Variants in RMST observed in about 807,000 individuals in gnomAD.
The protein encoded by RMST is rhabdomyosarcoma 2 associated transcript, also known as long intergenic non-protein coding RNA 54.
chr12:97,468,272 A>G (rs898791211), intron 5 of RMST, among the ~76,000 whole-genome samples: 1 of 151,992 alleles, frequency 6.6e-6, no homozygotes, highest in Non-Finnish European at 1.5e-5. Context: ...ACAATCTAGG[A>G]CTCACTAATA....
chr12:97,524,075 C>CAGAGA (rs57255256), intron 10 of RMST, among the ~76,000 whole-genome samples: 2,443 of 56,134 alleles, frequency 0.044, 615 homozygotes, highest in African/African-American at 0.1. Flanking sequence ...GACTCTGTCT[C>CAGAGA]AAAAAAAAAA....
At chr12:97,509,870 A>G (rs1415743785) in intron 10 of RMST, among the ~76,000 whole-genome samples, 2 of 152,180 alleles carry the variant, frequency 1.3e-5, no homozygotes, top group Admixed American at 6.5e-5. Context: ...AGGGAACCCA[A>G]TACTCTGCAG....
At chr12:97,464,498 A>G (rs1565914220) in intron 4 of RMST, among the ~76,000 whole-genome samples, 1 of 152,214 alleles carries the variant, frequency 6.6e-6, no homozygotes, top group Non-Finnish European at 1.5e-5. Flanking sequence ...ATTTACTTTG[A>G]AAGTTGTTCA....
intron 10 of RMST, among the ~76,000 whole-genome samples, chr12:97,525,222 A>T (rs1880968679): frequency 6.6e-6 from 1 of 152,234 alleles, no homozygotes; most frequent in African/African-American, 2.4e-5. Context: ...CAACATTTTG[A>T]TGTTTATTGG....
intron 10 of RMST, among the ~76,000 whole-genome samples, chr12:97,506,313 G>A (rs1451583289): frequency 1.3e-5 from 2 of 151,926 alleles, no homozygotes; most frequent in Non-Finnish European, 2.9e-5. Context: ...TATTTAACAT[G>A]AGAGACATAT....
At chr12:97,535,281 C>A (rs565514292) in intron 11 of RMST, among the ~76,000 whole-genome samples, 3 of 151,570 alleles carry the variant, frequency 2.0e-5, no homozygotes, top group Non-Finnish European at 4.4e-5. Flanking sequence ...CCTAATATAG[C>A]GTAGTGGTCT....
chr12:97,545,104 T>A (rs1023302635), intron 11 of RMST, among the ~76,000 whole-genome samples: 2 of 152,092 alleles, frequency 1.3e-5, no homozygotes, highest in Admixed American at 1.3e-4. Context: ...CACATTTACA[T>A]TATATTACAC....
intron 11 of RMST, among the ~76,000 whole-genome samples, chr12:97,547,232 A>G (rs908914707): frequency 1.3e-5 from 2 of 149,918 alleles, no homozygotes; most frequent in African/African-American, 2.4e-5. Flanking sequence ...AAATATGTAT[A>G]TATAACATCT....
intron 10 of RMST, among the ~76,000 whole-genome samples, chr12:97,496,566 C>A (rs1471656162): frequency 6.6e-6 from 1 of 152,076 alleles, no homozygotes; most frequent in African/African-American, 2.4e-5. Flanking sequence ...TAAGTATAAA[C>A]CTCCTTATGT....
intron 11 of RMST, among the ~76,000 whole-genome samples, chr12:97,547,063 C>T (rs916803380): frequency 4.0e-5 from 6 of 151,716 alleles, no homozygotes; most frequent in Non-Finnish European, 1.5e-5. Flanking sequence ...CTTTCTGTGC[C>T]TGGCTTATTT....
chr12:97,469,676 A>G (rs1593114908), intron 5 of RMST, among the ~76,000 whole-genome samples: 2 of 151,952 alleles, frequency 1.3e-5, no homozygotes, highest in Admixed American at 6.6e-5. Context: ...GGTGCCATTA[A>G]TTTTTCTTGT....
intron 11 of RMST, among the ~76,000 whole-genome samples, chr12:97,536,917 A>G (rs910849119): frequency 2.0e-5 from 3 of 151,480 alleles, no homozygotes; most frequent in Non-Finnish European, 3.0e-5. Context: ...CAATGAAACT[A>G]GTTTTTCTGA....
chr12:97,547,353 C>T (rs1413308501), intron 11 of RMST, among the ~76,000 whole-genome samples: 1 of 151,910 alleles, frequency 6.6e-6, no homozygotes, highest in East Asian at 1.9e-4. Context: ...CATGGGAATG[C>T]AGATATCTCT....
At position 97,509,525 on chromosome 12, in the gene RMST, G is replaced by A. The variant is rs368214046; in HGVS notation, n.1340+13469G>A. Among the ~76,000 whole-genome samples, 46 of 152,250 alleles carry A rather than the reference G, an allele frequency of 3.0e-4. No individual in the cohort carries two copies. The South Asian group carries it at 4.6e-3, about 15-fold the overall frequency. ...GAGACAAACAGCCTGCCTTGTAGGG[G>A]AAGTCACCTTATAATAAAATTCCCT... On this transcript the variant is annotated intron_variant and non_coding_transcript_variant, in intron 10 of 13. Coordinates refer to ENST00000640149, the Ensembl canonical transcript of RMST.
At chr12:97,481,519 A>G (rs758910749) in intron 5 of RMST, among the ~76,000 whole-genome samples, 9 of 152,136 alleles carry the variant, frequency 5.9e-5, no homozygotes, top group Non-Finnish European at 1.2e-4. Context: ...ATTTATCCAC[A>G]TTTCAGATAT....
chr12:97,523,075 C>A (rs532264623), intron 10 of RMST, among the ~76,000 whole-genome samples: 67 of 152,264 alleles, frequency 4.4e-4, no homozygotes, highest in African/African-American at 1.5e-3. Context: ...ACTGATTGAA[C>A]CATTTAGTTT....
chr12:97,527,860 C>T (rs1475145025), intron 10 of RMST, among the ~76,000 whole-genome samples: 1 of 151,442 alleles, frequency 6.6e-6, no homozygotes, highest in Non-Finnish European at 1.5e-5. Context: ...TTCAGAGTAC[C>T]TCATTTAATG....
chr12:97,495,281 A>T (rs930826999), intron 9 of RMST, among the ~76,000 whole-genome samples: 2 of 152,144 alleles, frequency 1.3e-5, no homozygotes, highest in African/African-American at 2.4e-5. Flanking sequence ...ACAATGGCAT[A>T]TATACTTTGA....
chr12:97,494,286 A>G (rs1877168361), intron 8 of RMST, among the ~76,000 whole-genome samples: 1 of 152,180 alleles, frequency 6.6e-6, no homozygotes. Flanking sequence ...GGATTAAGGA[A>G]AATAATTTAG....
Sources: gnomAD v4.1 joint callset for allele counts (sites outside exome capture counted in the v4.1 genomes callset) on GRCh38, gnomAD v4.1.1 for gene constraint, MANE v1.5 for transcripts, NCBI Gene and HGNC (gene_info 2026-07-23, HGNC 2026-07-21) for gene names.